Variants in ZCCHC14 observed in about 807,000 individuals in gnomAD.
ZCCHC14 encodes the protein zinc finger CCHC domain-containing protein 14.
Under a neutral mutation model 85.0 loss-of-function variants are expected in ZCCHC14, and 16 were observed. The ratio of observed to expected loss-of-function variants is 0.19; its 90% CI spans 0.13 to 0.29. ZCCHC14 has a LOEUF of 0.29. Among genes scored for constraint, ZCCHC14 ranks in the 10% least tolerant of loss-of-function variants. The pLI, the probability that ZCCHC14 is intolerant of heterozygous loss-of-function variation, is 1.00. For missense variants in ZCCHC14, 1,303 were observed against 1,443.5 expected (o/e 0.90, Z 1.58); for synonymous variants, 775 against 630.7 (o/e 1.23, Z -3.43).
intron 2 of ZCCHC14, among the ~76,000 whole-genome samples, chr16:87,440,580 A>C (rs894237415): frequency 3.3e-5 from 5 of 152,114 alleles, no homozygotes; most frequent in African/African-American, 1.2e-4. Flanking sequence ...ATCCCAGACT[A>C]TGCATAAACT....
At chr16:87,416,323 G>A (rs1908780891) in intron 8 of ZCCHC14, among the ~76,000 whole-genome samples, 1 of 152,176 alleles carries the variant, frequency 6.6e-6, no homozygotes, top group Non-Finnish European at 1.5e-5. Flanking sequence ...GTAGGCTGGT[G>A]CTACGCAAAC....
intron 8 of ZCCHC14, among the ~76,000 whole-genome samples, chr16:87,416,069 G>T (rs992036111): frequency 3.3e-5 from 5 of 152,068 alleles, no homozygotes; most frequent in South Asian, 2.1e-4. Flanking sequence ...GGGATTACAG[G>T]CACCCACCAC....
intron 2 of ZCCHC14, among the ~76,000 whole-genome samples, chr16:87,435,203 G>C (rs965998467): frequency 1.3e-5 from 2 of 152,104 alleles, no homozygotes; most frequent in South Asian, 4.1e-4. Flanking sequence ...CTGTGCACAC[G>C]CTCTGGGGAT....
intron 1 of ZCCHC14, among the ~76,000 whole-genome samples, chr16:87,466,322 G>A (rs898913593): frequency 2.6e-5 from 4 of 152,194 alleles, no homozygotes; most frequent in African/African-American, 9.6e-5. Context: ...AGTGGGACGT[G>A]CTGACGCAGT....
intron 1 of ZCCHC14, among the ~76,000 whole-genome samples, chr16:87,478,274 C>G (rs980271112): frequency 6.6e-6 from 1 of 152,182 alleles, no homozygotes; most frequent in Non-Finnish European, 1.5e-5. Context: ...ACTAAAATCA[C>G]GCAACGAAGG....
In ZCCHC14 at chr16:87,414,281, G is replaced by A. The variant is rs191245403; in HGVS notation, c.1603+133C>T. 25 of 1,296,428 alleles carry A rather than the reference G, an allele frequency of 1.9e-5. 2 individuals carry two copies. The highest frequency in any genetic ancestry group is 2.5e-5 in the Non-Finnish European group (23 of 928,652). The allele number at this position is 1,296,428 out of a possible 1,614,324, so 80.3% of individuals were successfully genotyped here. ...CGAGTAACCCACCTGCCCGGCACACGGGCCCTCTCTGTGTACGAGTAACCC... is the reference window on the plus strand; with the variant it reads ...CGAGTAACCCACCTGCCCGGCACACAGGCCCTCTCTGTGTACGAGTAACCC... On this transcript the variant is annotated intron_variant, in intron 10 of 12. Coordinates refer to ENST00000671377, the MANE Select transcript of ZCCHC14 (RefSeq NM_015144.3).
chr16:87,467,002 A>C (rs1911549027), intron 1 of ZCCHC14: 1 of 392,656 alleles, frequency 2.5e-6, no homozygotes, highest in Non-Finnish European at 4.6e-6. Flanking sequence ...AAAGCCTCAC[A>C]GTCACTTTGG....
intron 1 of ZCCHC14, among the ~76,000 whole-genome samples, chr16:87,483,263 G>C (rs1912367509): frequency 7.5e-6 from 1 of 132,886 alleles, no homozygotes; most frequent in Non-Finnish European, 1.5e-5. Context: ...CTTGAGACCA[G>C]CCTGGTCAAC....
At chr16:87,435,496 C>T (rs1187422553) in intron 2 of ZCCHC14, among the ~76,000 whole-genome samples, 1 of 152,244 alleles carries the variant, frequency 6.6e-6, no homozygotes, top group Non-Finnish European at 1.5e-5. Context: ...GTGCCAGACA[C>T]CACCCTGCTC....
intron 3 of ZCCHC14, among the ~76,000 whole-genome samples, chr16:87,431,390 G>T (rs1310320569): frequency 6.7e-6 from 1 of 149,608 alleles, no homozygotes; most frequent in Non-Finnish European, 1.5e-5. Flanking sequence ...GGAAAATGGT[G>T]TGAACCCGGG....
intron 1 of ZCCHC14, among the ~76,000 whole-genome samples, chr16:87,463,299 T>C (rs1597441258): frequency 6.6e-6 from 1 of 152,046 alleles, no homozygotes; most frequent in African/African-American, 2.4e-5. Context: ...GGAGCATCGC[T>C]TGAGCCCAGG....
intron 2 of ZCCHC14, among the ~76,000 whole-genome samples, chr16:87,441,193 C>T (rs1165385311): frequency 4.0e-5 from 6 of 151,840 alleles, no homozygotes; most frequent in African/African-American, 9.7e-5. Flanking sequence ...TGGGTTTCAC[C>T]GTGTTAGCCA....
In ZCCHC14 at chr16:87,433,676, T is replaced by C. The variant is rs77796068; in HGVS notation, c.695-475A>G. 4.1e-3 allele frequency among the ~76,000 whole-genome samples: 621 copies of C among 151,646 alleles called. 5 individuals are homozygous for C. The highest frequency in any genetic ancestry group is 0.015 in the African/African-American group (601 of 41,432). On this transcript the variant is annotated intron_variant, in intron 2 of 12. Coordinates refer to ENST00000671377, the MANE Select transcript of ZCCHC14 (RefSeq NM_015144.3). ...TTCTATGTATTTTCTTCTTTTTTCT[T>C]TTTTTTTTGAGACGGAGTCTCACTC... is the stretch of plus-strand genomic sequence containing the variant.
intron 2 of ZCCHC14, among the ~76,000 whole-genome samples, chr16:87,451,541 G>A (rs549479358): frequency 8.5e-5 from 13 of 152,204 alleles, no homozygotes; most frequent in Non-Finnish European, 1.9e-4. Context: ...TTTGAATTTA[G>A]GGGCCTTAGG....
rs555775070 is a variant in ZCCHC14, at chr16:87,414,272, C to A, written c.1603+142G>T. The A allele has an allele frequency of 2.2e-6, 3 of 1,387,000 alleles. No individual in the cohort carries two copies. The South Asian group carries it at 3.8e-5, about 18-fold the overall frequency. The allele number at this position is 1,387,000 out of a possible 1,614,324, so 85.9% of individuals were successfully genotyped here. A position where few individuals can be genotyped will look rare whatever the true frequency, so the allele number is the denominator to read the frequency against. Reference sequence around the variant, plus strand: ...CTCTGTGTACGAGTAACCCACCTGCCCGGCACACGGGCCCTCTCTGTGTAC... The same window carrying A: ...CTCTGTGTACGAGTAACCCACCTGCACGGCACACGGGCCCTCTCTGTGTAC... On this transcript the variant is annotated intron_variant, in intron 10 of 12. Coordinates refer to ENST00000671377, the MANE Select transcript of ZCCHC14 (RefSeq NM_015144.3).
Position 87,491,178 on chromosome 16 carries a change from G to A in ZCCHC14, c.570+491C>T, listed in dbSNP as rs1296858379. 3.9e-5 allele frequency among the ~76,000 whole-genome samples: 6 copies of A among 152,272 alleles called. No homozygotes were observed. Among genetic ancestry groups the A allele is most frequent in the Admixed American group, 3.9e-4 (6 of 15,288 alleles). On this transcript the variant is annotated intron_variant, in intron 1 of 12. Transcript: ENST00000671377. This position sits in a 1 kb window ranked among gnomAD's most constrained non-coding sequence, Gnocchi z 5.9. ...GTGAAAGGAGGGCACCTGGGACTGT[G>A]AGCTCTGACCGCGGACGTCTCCCGC...
chr16:87,431,797 A>G (rs1309397016), intron 3 of ZCCHC14, among the ~76,000 whole-genome samples: 7 of 152,176 alleles, frequency 4.6e-5, no homozygotes, highest in Non-Finnish European at 1.0e-4. Flanking sequence ...ACCTAGGATC[A>G]CTGGGACCGC....
chr16:87,462,960 G>C (rs1426406021), intron 1 of ZCCHC14, among the ~76,000 whole-genome samples: 5 of 151,836 alleles, frequency 3.3e-5, no homozygotes, highest in Non-Finnish European at 7.4e-5. Context: ...CTCAGCTACT[G>C]GGGAGGCTGA....
intron 7 of ZCCHC14, chr16:87,418,057 G>A (rs972006832): frequency 2.7e-6 from 1 of 372,270 alleles, no homozygotes; most frequent in Non-Finnish European, 4.8e-6. Context: ...TGTGTATTAT[G>A]TATGTGTACG....
Sources: allele counts gnomAD v4.1 joint callset (sites outside exome capture counted in the v4.1 genomes callset), GRCh38; gene constraint gnomAD v4.1.1; non-coding constraint Gnocchi (gnomAD v3.1); transcripts MANE v1.5; gene names NCBI Gene and HGNC (gene_info 2026-07-23, HGNC 2026-07-21).